Variants in ANK3 observed in about 807,000 individuals in gnomAD.
ANK3 encodes the protein ankyrin-3.
A neutral mutation model predicts 370.9 loss-of-function variants in ANK3; 57 were observed. The ratio of observed to expected loss-of-function variants is 0.15; its 90% CI spans 0.12 to 0.19. ANK3 has a LOEUF of 0.19. Among genes scored for constraint, ANK3 ranks in the 10% least tolerant of loss-of-function variants. The pLI, the probability that ANK3 is intolerant of heterozygous loss-of-function variation, is 1.00. For missense variants in ANK3, 4,439 were observed against 5,302.1 expected (o/e 0.84, Z 5.06); for synonymous variants, 1,929 against 1,946.3 (o/e 0.99, Z 0.23).
At chr10:60,348,148 C>G in intron 1 of ANK3, among the ~76,000 whole-genome samples, 1 of 151,954 alleles carries the variant, frequency 6.6e-6, no homozygotes, top group Non-Finnish European at 1.5e-5. Context: ...ATCACAAATT[C>G]TTTAAAGGGC....
At chr10:60,216,685 T>C (rs1189232607) in intron 8 of ANK3, among the ~76,000 whole-genome samples, 1 of 152,188 alleles carries the variant, frequency 6.6e-6, no homozygotes, top group African/African-American at 2.4e-5. Flanking sequence ...TACTGAGGAT[T>C]TTCTCATCGA....
chr10:60,111,837 T>C lies in ANK3; in HGVS notation c.2948+2388A>G, dbSNP rs184815317. Reference sequence around the variant, plus strand: ...AATTAGAAGCAAGCAACAGAAAATGTCAATGACAAGCAAAGGAAAAATAAA... The same window carrying C: ...AATTAGAAGCAAGCAACAGAAAATGCCAATGACAAGCAAAGGAAAAATAAA... On this transcript the variant is annotated intron_variant, in intron 26 of 43. Coordinates refer to ENST00000280772, the MANE Select transcript of ANK3 (RefSeq NM_020987.5). The C allele has an allele frequency of 1.3e-3, 585 of 439,534 alleles. 1 individual carries two copies. The highest frequency in any genetic ancestry group is 0.011 in the African/African-American group (549 of 48,922). The allele number at this position is 439,534 out of a possible 1,614,324, so 27.2% of individuals were successfully genotyped here. A position where few individuals can be genotyped will look rare whatever the true frequency, so the allele number is the denominator to read the frequency against.
chr10:60,223,723 T>C (rs2097097524), intron 8 of ANK3, among the ~76,000 whole-genome samples: 1 of 152,192 alleles, frequency 6.6e-6, no homozygotes, highest in African/African-American at 2.4e-5. Flanking sequence ...TACCTTATTT[T>C]TCCAGAAAAG....
At chr10:60,156,368 T>A (rs1307133928) in intron 23 of ANK3, among the ~76,000 whole-genome samples, 1 of 152,176 alleles carries the variant, frequency 6.6e-6, no homozygotes, top group Non-Finnish European at 1.5e-5. Context: ...GAATCCAATG[T>A]CCTGATGGGA....
rs562819638 is a variant in ANK3 at position 60,226,395 on chromosome 10, ATATAG to A, written c.897+8288_897+8292del. The stretch of plus-strand genomic sequence containing the variant: ...AAATTATAGAATAAATTATAGTATA[ATATAG>A]TATAACATATATAACATACTATACA... On this transcript the variant is annotated intron_variant, in intron 8 of 43. Transcript: ENST00000280772. 1.7e-3 allele frequency among the ~76,000 whole-genome samples: 194 copies of A among 114,058 alleles called. 6 individuals carry two copies. The highest frequency in any genetic ancestry group is 6.9e-3 in the African/African-American group (188 of 27,324). The allele number at this position is 114,058 out of a possible 152,430, so 74.8% of individuals were successfully genotyped here.
intron 14 of ANK3, among the ~76,000 whole-genome samples, chr10:60,197,035 T>C (rs1020275071): frequency 3.9e-5 from 6 of 152,130 alleles, no homozygotes; most frequent in African/African-American, 1.4e-4. Flanking sequence ...AGACTCAGTT[T>C]GGAGGGCTTG....
chr10:60,602,787 ATC>A, intron 2 of ANK3, among the ~76,000 whole-genome samples: 1 of 152,126 alleles, frequency 6.6e-6, no homozygotes, highest in African/African-American at 2.4e-5. Flanking sequence ...TATGACCTAA[ATC>A]ATCATGATAT....
chr10:60,173,492 T>A (rs1213803349), intron 18 of ANK3, among the ~76,000 whole-genome samples: 1 of 152,204 alleles, frequency 6.6e-6, no homozygotes, highest in Non-Finnish European at 1.5e-5. Flanking sequence ...ATAGACAAAC[T>A]GATTCAGTGG....
At position 60,545,335 on chromosome 10, in the gene ANK3, T is replaced by C. The variant is rs2076938866; in HGVS notation, c.96+69851A>G. On this transcript the variant is annotated intron_variant, in intron 2 of 43. Transcript: ENST00000373827. ...TTTGTCCAGGGATTGCAATTTCATC[T>C]TGTTTTCCAGCTATGTATCTCTGGG... Among the ~76,000 whole-genome samples, 4 of 152,126 alleles carry C rather than the reference T, an allele frequency of 2.6e-5. No homozygotes were observed. In the South Asian group the frequency reaches 8.3e-4, roughly 32 times the overall value.
In ANK3 at chr10:60,240,510, G is replaced by A. The variant is rs2097437634; in HGVS notation, c.799-5724C>T. 3.3e-5 allele frequency among the ~76,000 whole-genome samples: 5 copies of A among 151,486 alleles called. No individual in the cohort carries two copies. The South Asian group carries it at 1.0e-3, about 32-fold the overall frequency. On this transcript the variant is annotated intron_variant, in intron 7 of 43. Transcript: ENST00000280772. Reference sequence around the variant, plus strand: ...GTAGAGACGAGGTTTCTCCATGTTGGTCAGGCTGGTCTGGAACTGCCAACC... The same window carrying A: ...GTAGAGACGAGGTTTCTCCATGTTGATCAGGCTGGTCTGGAACTGCCAACC...
chr10:60,588,412 T>C (rs1595325796), intron 2 of ANK3, among the ~76,000 whole-genome samples: 1 of 151,610 alleles, frequency 6.6e-6, no homozygotes, highest in East Asian at 2.0e-4. Flanking sequence ...CTCGAACTCC[T>C]GACCTCATGA....
Position 60,279,463 on chromosome 10 carries a change from A to G in ANK3, c.216+75T>C, listed in dbSNP as rs559855795. The G allele has an allele frequency of 7.7e-5, 89 of 1,152,120 alleles. 1 individual carries two copies. In the East Asian group the frequency reaches 2.1e-3, roughly 27 times the overall value. 71.4% of individuals were successfully genotyped at this position (1,152,120 alleles called of 1,614,324 possible). On this transcript the variant is annotated intron_variant, in intron 2 of 43. Coordinates refer to ENST00000280772, the MANE Select transcript of ANK3 (RefSeq NM_020987.5). ...CAATGGAAAAAAACCCCACAAATAA[A>G]TGAAGTCTTTAAGGAGCTTGAAGTC...
At chr10:60,247,173 G>A (rs7068249) in intron 7 of ANK3, among the ~76,000 whole-genome samples, 25,886 of 151,674 alleles carry the variant, frequency 0.17, 2,308 homozygotes, top group African/African-American at 0.19. Context: ...CCGCCACCAC[G>A]CCCAGCTAAT....
intron 7 of ANK3, among the ~76,000 whole-genome samples, chr10:60,235,948 C>T (rs1195985831): frequency 6.6e-6 from 1 of 152,198 alleles, no homozygotes; most frequent in African/African-American, 2.4e-5. Context: ...CCATTTTACA[C>T]ATGCAGAAAC....
rs928636282 is a variant in ANK3, at chr10:60,483,652, T to C, written c.96+131534A>G. 7.9e-5 allele frequency among the ~76,000 whole-genome samples: 12 copies of C among 152,200 alleles called. No homozygotes were observed. In the East Asian group the frequency reaches 2.1e-3, roughly 27 times the overall value. ...AGCAATTTTAAAATGACACAGAGCA[T>C]ATTTTGTTAGGCTTTCGCTTTTAAT... On this transcript the variant is annotated intron_variant, in intron 2 of 43. Transcript: ENST00000373827.
intron 18 of ANK3, among the ~76,000 whole-genome samples, chr10:60,176,023 A>T (rs2095927458): frequency 6.6e-6 from 1 of 152,060 alleles, no homozygotes; most frequent in East Asian, 1.9e-4. Flanking sequence ...TCTTTGGTAA[A>T]TTAATGACTG....
At chr10:60,148,400 T>C (rs2094932258) in intron 23 of ANK3, among the ~76,000 whole-genome samples, 1 of 152,196 alleles carries the variant, frequency 6.6e-6, no homozygotes, top group Admixed American at 6.5e-5. Flanking sequence ...CATGCATGCT[T>C]ACTTTAGAAA....
intron 8 of ANK3, among the ~76,000 whole-genome samples, chr10:60,222,725 T>A (rs763509329): frequency 2.0e-5 from 3 of 152,014 alleles, no homozygotes; most frequent in African/African-American, 7.3e-5. Context: ...CCTTAACTTA[T>A]ACTGCAATTA....
chr10:60,246,255 CAAAAAAAAAAAAA>C lies in ANK3; in HGVS notation c.799-11482_799-11470del, dbSNP rs869144298. The stretch of plus-strand genomic sequence containing the variant: ...TGGGCAACAGAGAGAAACCCTGTAT[CAAAAAAAAAAAAA>C]AAAAAAAAAAAAAGAAAAAAGAAAA... On this transcript the variant is annotated intron_variant, in intron 7 of 43. Coordinates refer to ENST00000280772, the MANE Select transcript of ANK3 (RefSeq NM_020987.5). Among the ~76,000 whole-genome samples, 96 of 92,678 alleles carry C rather than the reference CAAAAAAAAAAAAA, an allele frequency of 1.0e-3. 1 individual carries two copies. In the South Asian group the frequency reaches 0.016, roughly 15 times the overall value. The allele number at this position is 92,678 out of a possible 152,430, so 60.8% of individuals were successfully genotyped here.
Sources: allele counts gnomAD v4.1 joint callset (sites outside exome capture counted in the v4.1 genomes callset), GRCh38; gene constraint gnomAD v4.1.1; transcripts MANE v1.5; gene names NCBI Gene and HGNC (gene_info 2026-07-23, HGNC 2026-07-21).